Variants in HS6ST3 observed in about 807,000 individuals in gnomAD.
HS6ST3 encodes the protein heparan-sulfate 6-O-sulfotransferase 3.
HS6ST3 carries 12 observed loss-of-function variants against 36.7 expected under a neutral mutation model. The ratio of observed to expected loss-of-function variants is 0.33; its 90% CI spans 0.21 to 0.53. HS6ST3 has a LOEUF of 0.53. HS6ST3 is among the 20% of genes least tolerant of loss of function. The pLI is 0.95. For missense variants in HS6ST3, 584 were observed against 640.9 expected, an observed-to-expected ratio of 0.91 and a Z score of 0.96; for synonymous variants, 240 against 257.5, an observed-to-expected ratio of 0.93 and a Z score of 0.65.
At chr13:96,704,895 C>T (rs905840893) in intron 1 of HS6ST3, among the ~76,000 whole-genome samples, 1 of 152,158 alleles carries the variant, frequency 6.6e-6, no homozygotes, top group Non-Finnish European at 1.5e-5. Context: ...TATCTGGCCT[C>T]TTTTCAGAAA....
chr13:96,421,477 G>A (rs747289237), intron 1 of HS6ST3, among the ~76,000 whole-genome samples: 1 of 152,106 alleles, frequency 6.6e-6, no homozygotes, highest in Non-Finnish European at 1.5e-5. Context: ...TTTTACTCAA[G>A]GTAAAAACCA....
At chr13:96,321,521 C>A (rs2055002855) in intron 1 of HS6ST3, among the ~76,000 whole-genome samples, 1 of 152,130 alleles carries the variant, frequency 6.6e-6, no homozygotes, top group Non-Finnish European at 1.5e-5. Flanking sequence ...GTCCTAGATT[C>A]CCAACTTATT....
At chr13:96,576,813 A>G (rs985509834) in intron 1 of HS6ST3, among the ~76,000 whole-genome samples, 7 of 151,832 alleles carry the variant, frequency 4.6e-5, no homozygotes, top group Non-Finnish European at 8.8e-5. Context: ...GCATGGTGAC[A>G]TGCGCCTGTA....
In HS6ST3 at chr13:96,835,382, AG is replaced by A. The variant is rs1169904207; in HGVS notation, c.*2188del. 6.6e-6 allele frequency: 1 copy of A among 152,226 alleles called. No homozygotes were observed. The highest frequency in any genetic ancestry group is 6.5e-5 in the Admixed American group (1 of 15,284). 9.4% of individuals were successfully genotyped at this position (152,226 alleles called of 1,614,324 possible). On this transcript the variant is annotated 3_prime_UTR_variant, in exon 2 of 2. Transcript: ENST00000376705. ...AAGCCATATACAAGAGTAAGTTAAA[AG>A]GGGCCAAGTAAATGTTGCTTGTTAT...
chr13:96,525,556 A>T (rs373211641), intron 1 of HS6ST3, among the ~76,000 whole-genome samples: 1 of 152,326 alleles, frequency 6.6e-6, no homozygotes, highest in East Asian at 1.9e-4. Context: ...ACACACACAC[A>T]CACACGCAAA....
At chr13:96,187,888 A>G (rs763542634) in intron 1 of HS6ST3, among the ~76,000 whole-genome samples, 1 of 152,178 alleles carries the variant, frequency 6.6e-6, no homozygotes, top group Admixed American at 6.5e-5. Context: ...TTGACAATGA[A>G]TGCCTTTAAA....
At chr13:96,494,309 C>T (rs548510260) in intron 1 of HS6ST3, among the ~76,000 whole-genome samples, 16 of 148,932 alleles carry the variant, frequency 1.1e-4, no homozygotes, top group South Asian at 4.2e-4. Flanking sequence ...AACCAAACAC[C>T]GCCTGTTCTC....
chr13:96,839,358 G>A lies in HS6ST3; in HGVS notation c.*6160G>A, dbSNP rs1454507282. 1.3e-5 allele frequency: 2 copies of A among 152,128 alleles called. No homozygotes were observed. The highest frequency in any genetic ancestry group is 1.9e-4 in the East Asian group (1 of 5,188). 9.4% of individuals were successfully genotyped at this position (152,128 alleles called of 1,614,324 possible). On this transcript the variant is annotated 3_prime_UTR_variant, in exon 2 of 2. Coordinates refer to ENST00000376705, the MANE Select transcript of HS6ST3 (RefSeq NM_153456.4). ...CATGTAGATAGTTATTCAGTAGATA[G>A]TAAATTATTTCTCTTAAGAGATATT...
intron 1 of HS6ST3, among the ~76,000 whole-genome samples, chr13:96,706,863 C>T (rs959024367): frequency 2.0e-5 from 3 of 152,098 alleles, no homozygotes; most frequent in Admixed American, 1.3e-4. Context: ...CCAACCCTTG[C>T]CATTTTTAAG....
chr13:96,614,884 G>A (rs1435190492), intron 1 of HS6ST3, among the ~76,000 whole-genome samples: 1 of 151,992 alleles, frequency 6.6e-6, no homozygotes, highest in Non-Finnish European at 1.5e-5. Flanking sequence ...TTTTAGGTTT[G>A]TTTTCATCTC....
At chr13:96,320,310 G>C (rs181914333) in intron 1 of HS6ST3, among the ~76,000 whole-genome samples, 1 of 152,248 alleles carries the variant, frequency 6.6e-6, no homozygotes, top group Admixed American at 6.5e-5. Flanking sequence ...AAGTACATTT[G>C]TGTCTCTTCC....
chr13:96,244,075 T>A (rs1191439141), intron 1 of HS6ST3, among the ~76,000 whole-genome samples: 1 of 152,138 alleles, frequency 6.6e-6, no homozygotes, highest in Non-Finnish European at 1.5e-5. Context: ...AGCTGTTTTT[T>A]AAAAGCTAGT....
At chr13:96,779,345 A>T (rs1012704632) in intron 1 of HS6ST3, among the ~76,000 whole-genome samples, 2 of 151,520 alleles carry the variant, frequency 1.3e-5, no homozygotes, top group African/African-American at 4.9e-5. Context: ...AATAATAATA[A>T]TAATTCCTTC....
intron 1 of HS6ST3, among the ~76,000 whole-genome samples, chr13:96,356,278 T>C (rs2055209708): frequency 1.3e-5 from 2 of 152,224 alleles, no homozygotes; most frequent in Non-Finnish European, 2.9e-5. Context: ...CTTCCATGAA[T>C]CATAAATGTT....
At chr13:96,472,864 A>T (rs2055846075) in intron 1 of HS6ST3, among the ~76,000 whole-genome samples, 1 of 152,206 alleles carries the variant, frequency 6.6e-6, no homozygotes, top group Non-Finnish European at 1.5e-5. Flanking sequence ...CTGGAAACTT[A>T]TGAATTATTT....
intron 1 of HS6ST3, among the ~76,000 whole-genome samples, chr13:96,782,633 T>G (rs1240389193): frequency 6.6e-6 from 1 of 152,164 alleles, no homozygotes; most frequent in Non-Finnish European, 1.5e-5. Flanking sequence ...TCCCCGTGCC[T>G]GGCTTTTTCA....
At position 96,091,432 on chromosome 13, in the gene HS6ST3, CAAG is replaced by C. The variant is rs756925260; in HGVS notation, c.574_576del (p.Lys192del). 12 of 1,612,320 alleles carry C rather than the reference CAAG, an allele frequency of 7.4e-6. No homozygotes were observed. Among genetic ancestry groups the C allele is most frequent in the South Asian group, 2.2e-5 (2 of 90,824 alleles). ...AGAAGTGCACCTGCCACCGGCCTGG[CAAG>C]AAGGAGACGTGGCTCTTCTCCCGCT... On this transcript the variant is annotated inframe_deletion, in exon 1 of 2. Coordinates refer to ENST00000376705, the MANE Select transcript of HS6ST3 (RefSeq NM_153456.4).
At chr13:96,154,756 A>G (rs551042460) in intron 1 of HS6ST3, among the ~76,000 whole-genome samples, 6 of 152,242 alleles carry the variant, frequency 3.9e-5, no homozygotes, top group African/African-American at 1.4e-4. Flanking sequence ...TTTCTAGCCT[A>G]TTGTAATAGG....
At chr13:96,397,594 T>C (rs920241099) in intron 1 of HS6ST3, among the ~76,000 whole-genome samples, 4 of 152,242 alleles carry the variant, frequency 2.6e-5, no homozygotes, top group Non-Finnish European at 4.4e-5. Flanking sequence ...ATTTTTTTTC[T>C]GGCTTCCAGG....
Sources: allele counts gnomAD v4.1 joint callset (sites outside exome capture counted in the v4.1 genomes callset), GRCh38; gene constraint gnomAD v4.1.1; transcripts MANE v1.5; gene names NCBI Gene and HGNC (gene_info 2026-07-23, HGNC 2026-07-21).